The following DACH2 variants were observed in gnomAD, a reference collection of about 807,000 sequenced individuals.
DACH2 encodes the protein dachshund family transcription factor 2.
DACH2 carries 17 observed loss-of-function variants against 35.8 expected under a neutral mutation model. That is an observed-to-expected ratio of 0.48 (90% CI 0.33 to 0.71). DACH2 has a LOEUF of 0.71. Among genes scored for constraint, DACH2 ranks in the 30% least tolerant of loss-of-function variants. The pLI is 0.02. For missense variants in DACH2, 469 were observed against 472.7 expected (o/e 0.99, Z 0.07); for synonymous variants, 195 against 177.3 (o/e 1.10, Z -0.79).
intron 3 of DACH2, among the ~76,000 whole-genome samples, chrX:86,619,041 T>C (rs965192948): frequency 1.8e-5 from 2 of 112,199 alleles, no homozygotes; most frequent in Non-Finnish European, 3.8e-5. Context: ...CAATTTTCTG[T>C]GAAAATACAC....
rs776371459 is a variant in DACH2, at chrX:86,739,798, C to T, written c.1156C>T (p.Arg386Cys). ...TGCTCCTTCTCTAGAAGAGAATCATCGTCCTGGGAGCCAGACCTCTTCCCA... is the reference window on the plus strand; with the variant it reads ...TGCTCCTTCTCTAGAAGAGAATCATTGTCCTGGGAGCCAGACCTCTTCCCA... ...SPAPSLEENH[R>C]PGSQTSSHTS... is the part of the protein sequence containing the mutation. Residue 386 changes from arginine (R) to cysteine (C), a missense_variant, in exon 7 of 12, where the codon CGT (arginine) becomes TGT (cysteine). Arg to Cys is a radical substitution (Grantham distance 180). This residue lies in a region of DACH2 where 363 missense variants were observed against 334.4 expected (regional missense o/e 1.09). Coordinates refer to ENST00000373125, the MANE Select transcript of DACH2 (RefSeq NM_053281.3). The T allele has an allele frequency of 9.4e-5, 112 of 1,193,359 alleles. No individual in the cohort carries two copies. Among genetic ancestry groups the T allele is most frequent in the Middle Eastern group, 7.2e-4 (3 of 4,172 alleles).
chrX:86,734,096 C>T (rs773412554), intron 6 of DACH2, among the ~76,000 whole-genome samples: 3 of 110,741 alleles, frequency 2.7e-5, no homozygotes, highest in Non-Finnish European at 5.7e-5. Context: ...TTCATTCTCC[C>T]ACTTGAAGGT....
At chrX:86,615,283 C>A (rs2039989798) in intron 3 of DACH2, among the ~76,000 whole-genome samples, 1 of 111,653 alleles carries the variant, frequency 9.0e-6, no homozygotes, top group African/African-American at 3.2e-5. Context: ...GTCCAACTAC[C>A]TTGTCTTCAT....
chrX:86,598,013 A>C (rs994760781), intron 3 of DACH2, among the ~76,000 whole-genome samples: 2 of 111,478 alleles, frequency 1.8e-5, no homozygotes, highest in Non-Finnish European at 3.8e-5. Context: ...AGACAAGAGA[A>C]GGGAGCCTGT....
intron 6 of DACH2, among the ~76,000 whole-genome samples, chrX:86,716,740 A>G (rs746227658): frequency 8.9e-6 from 1 of 112,344 alleles, no homozygotes; most frequent in African/African-American, 3.2e-5. Flanking sequence ...CAAGAGGCAC[A>G]TGGAAATGTG....
At chrX:86,403,965 G>A (rs1172032286) in intron 2 of DACH2, among the ~76,000 whole-genome samples, 1 of 109,801 alleles carries the variant, frequency 9.1e-6, no homozygotes, top group African/African-American at 3.3e-5. Context: ...GAAGTGCAGA[G>A]CAAAGTGGGG....
chrX:86,674,810 T>C (rs1161446423), intron 4 of DACH2, among the ~76,000 whole-genome samples: 3 of 111,050 alleles, frequency 2.7e-5, no homozygotes, highest in African/African-American at 9.8e-5. Flanking sequence ...TCTGGGCTCA[T>C]CATCCACTCC....
At chrX:86,773,739 G>A (rs898915737) in intron 7 of DACH2, among the ~76,000 whole-genome samples, 1 of 111,319 alleles carries the variant, frequency 9.0e-6, no homozygotes, top group Non-Finnish European at 1.9e-5. Flanking sequence ...GAAATGCATT[G>A]GACTTCAAAT....
intron 4 of DACH2, among the ~76,000 whole-genome samples, chrX:86,682,700 G>A (rs1311747646): frequency 1.8e-5 from 2 of 111,719 alleles, no homozygotes; most frequent in Non-Finnish European, 3.8e-5. Flanking sequence ...TGTAATACAA[G>A]TGAAAGATCC....
rs186854495 is a variant in DACH2, at chrX:86,198,181, A to G, written c.488+49073A>G. 4.5e-3 allele frequency among the ~76,000 whole-genome samples: 500 copies of G among 112,272 alleles called. 1 individual carries two copies. The highest frequency in any genetic ancestry group is 0.018 in the Middle Eastern group (4 of 218). On this transcript the variant is annotated intron_variant, in intron 1 of 11. Transcript: ENST00000373125. The stretch of plus-strand genomic sequence containing the variant: ...GAGTTACTTCTGGGTAAATAATGAA[A>G]TTAAGGCAGAAACCAAGATGTTCTT...
At chrX:86,547,524 AACACACACACACACACACACACACAC>A (rs751559427) in intron 3 of DACH2, among the ~76,000 whole-genome samples, 1 of 90,854 alleles carries the variant, frequency 1.1e-5, no homozygotes, top group African/African-American at 4.0e-5. Context: ...CGTGCTGCAG[AACACACACACACACACACACACACAC>A]ACACACACAC....
At chrX:86,825,402 G>A (rs1049229087) in intron 11 of DACH2, among the ~76,000 whole-genome samples, 20 of 102,024 alleles carry the variant, frequency 2.0e-4, no homozygotes, top group Non-Finnish European at 1.2e-4. Context: ...GTGCAACAGA[G>A]CAAGACTCTG....
chrX:86,372,319 T>C (rs1440411822), intron 1 of DACH2, among the ~76,000 whole-genome samples: 2 of 111,130 alleles, frequency 1.8e-5, no homozygotes, highest in Non-Finnish European at 3.8e-5. Flanking sequence ...TAGTGCACCT[T>C]CAGTCAATAC....
chrX:86,761,521 A>G (rs1293994446), intron 7 of DACH2, among the ~76,000 whole-genome samples: 2 of 111,524 alleles, frequency 1.8e-5, no homozygotes, highest in Non-Finnish European at 3.8e-5. Flanking sequence ...CAGAGATACC[A>G]TTTGACCCAG....
chrX:86,698,024 C>A (rs753694668), intron 5 of DACH2, among the ~76,000 whole-genome samples: 4 of 111,426 alleles, frequency 3.6e-5, no homozygotes, highest in East Asian at 2.8e-4. Context: ...ATACCCATAT[C>A]ATATTCCAAC....
At chrX:86,628,463 C>T (rs968300406) in intron 3 of DACH2, among the ~76,000 whole-genome samples, 2 of 111,886 alleles carry the variant, frequency 1.8e-5, no homozygotes, top group Non-Finnish European at 3.8e-5. Flanking sequence ...CATCATAATT[C>T]GGGCTAGACA....
chrX:86,590,046 T>C (rs2039623265), intron 3 of DACH2, among the ~76,000 whole-genome samples: 2 of 111,608 alleles, frequency 1.8e-5, no homozygotes, highest in South Asian at 7.4e-4. Context: ...CCGCTAAGGC[T>C]GGGGGAACAA....
At chrX:86,162,482 A>G (rs1260407749) in intron 1 of DACH2, among the ~76,000 whole-genome samples, 1 of 111,501 alleles carries the variant, frequency 9.0e-6, no homozygotes, top group Admixed American at 9.6e-5. Context: ...ATAGAGGCAT[A>G]TCCATAGAGT....
chrX:86,387,606 G>T (rs1220300564), intron 2 of DACH2, among the ~76,000 whole-genome samples: 1 of 111,638 alleles, frequency 9.0e-6, no homozygotes, highest in African/African-American at 3.3e-5. Flanking sequence ...GCAAAAATGA[G>T]TAAAACCAAA....
Sources: gnomAD v4.1 joint callset for allele counts (sites outside exome capture counted in the v4.1 genomes callset) on GRCh38, gnomAD v4.1.1 for gene constraint, gnomAD v4.1.1 regional missense constraint, MANE v1.5 for transcripts, NCBI Gene and HGNC (gene_info 2026-07-23, HGNC 2026-07-21) for gene names.